Variants in RGL1 observed in about 807,000 individuals in gnomAD.
RGL1 encodes the protein ral guanine nucleotide dissociation stimulator-like 1.
Under a neutral mutation model 95.2 loss-of-function variants are expected in RGL1, and 24 were observed. The ratio of observed to expected loss-of-function variants is 0.25; its 90% CI spans 0.18 to 0.35. The LOEUF is 0.35. RGL1 is among the 10% of genes least tolerant of loss of function. RGL1 has a pLI of 1.00. For missense variants in RGL1, 715 were observed against 936.3 expected (o/e 0.76, Z 3.08); for synonymous variants, 329 against 344.9 (o/e 0.95, Z 0.51).
chr1:183,817,963 A>G (rs1222414186), intron 2 of RGL1, among the ~76,000 whole-genome samples: 4 of 152,220 alleles, frequency 2.6e-5, no homozygotes, highest in Admixed American at 1.3e-4. Context: ...AAGTTGATTA[A>G]AGTGTTTCCT....
intron 2 of RGL1, among the ~76,000 whole-genome samples, chr1:183,744,921 G>GT (rs1005644058): frequency 1.3e-5 from 2 of 152,170 alleles, no homozygotes; most frequent in African/African-American, 4.8e-5. Flanking sequence ...GAGTTGTAAA[G>GT]TATGAATACC....
chr1:183,820,252 A>G (rs546609726), intron 2 of RGL1, among the ~76,000 whole-genome samples: 1 of 152,300 alleles, frequency 6.6e-6, no homozygotes, highest in South Asian at 2.1e-4. Context: ...TGTGATAGGC[A>G]GGAAATATTT....
intron 17 of RGL1, among the ~76,000 whole-genome samples, chr1:183,925,301 A>G (rs1435133954): frequency 6.6e-6 from 1 of 152,156 alleles, no homozygotes; most frequent in East Asian, 1.9e-4. Flanking sequence ...ACAGATACCC[A>G]GGAAGGGGAG....
intron 3 of RGL1, among the ~76,000 whole-genome samples, chr1:183,852,287 T>C (rs1664868857): frequency 1.3e-5 from 2 of 152,356 alleles, no homozygotes; most frequent in East Asian, 1.9e-4. Context: ...CCTTTTGTGA[T>C]TGGCCAATAG....
chr1:183,897,922 G>A (rs1284764796), intron 10 of RGL1, 25 bp downstream of exon 10: 1 of 1,599,552 alleles, frequency 6.3e-7, no homozygotes, highest in Non-Finnish European at 8.6e-7. Flanking sequence ...CGTCTTCCCT[G>A]ACAGCTCACA....
At chr1:183,914,462 A>C (rs1369967968) in intron 15 of RGL1, among the ~76,000 whole-genome samples, 1 of 152,118 alleles carries the variant, frequency 6.6e-6, no homozygotes, top group Non-Finnish European at 1.5e-5. Context: ...TTAGCTAGAA[A>C]GGCTCGTGAT....
intron 1 of RGL1, among the ~76,000 whole-genome samples, chr1:183,651,888 C>G (rs868715711): frequency 2.6e-5 from 4 of 152,298 alleles, no homozygotes; most frequent in South Asian, 2.1e-4. Flanking sequence ...CTTGCTTAGC[C>G]TTCATCAGGC....
chr1:183,733,988 C>T (rs1656783828), intron 1 of RGL1, among the ~76,000 whole-genome samples: 1 of 152,184 alleles, frequency 6.6e-6, no homozygotes, highest in Non-Finnish European at 1.5e-5. Flanking sequence ...CCATTGGGAC[C>T]TTCCATTTTC....
Position 183,715,634 on chromosome 1 carries a change from A to T in RGL1, c.-32-26492A>T, listed in dbSNP as rs1010031396. Among the ~76,000 whole-genome samples the T allele has an allele frequency of 1.4e-4, 22 of 152,158 alleles. 1 individual carries two copies. Among genetic ancestry groups the T allele is most frequent in the Admixed American group, 1.4e-3 (22 of 15,270 alleles). On this transcript the variant is annotated intron_variant, in intron 1 of 18. Transcript: ENST00000304685. Reference sequence around the variant, plus strand: ...TATTATTTTGCCAATTAGCCCATGCAATCCTTAGCTCATAAACCAAACTAT... The same window carrying T: ...TATTATTTTGCCAATTAGCCCATGCTATCCTTAGCTCATAAACCAAACTAT...
At chr1:183,694,484 T>C (rs1654143615) in intron 1 of RGL1, among the ~76,000 whole-genome samples, 1 of 152,248 alleles carries the variant, frequency 6.6e-6, no homozygotes, top group Non-Finnish European at 1.5e-5. Flanking sequence ...GAGATAATAT[T>C]AACTGAAATT....
intron 2 of RGL1, among the ~76,000 whole-genome samples, chr1:183,742,701 A>T (rs1313914297): frequency 1.3e-5 from 2 of 151,842 alleles, no homozygotes; most frequent in Non-Finnish European, 1.5e-5. Context: ...ATTTGTGTGC[A>T]TATTTGTGGG....
At position 183,892,086 on chromosome 1, in the gene RGL1, G is replaced by A. The variant is rs1017999529; in HGVS notation, c.1065G>A (p.Met355Ile). 1.2e-6 allele frequency: 2 copies of A among 1,611,600 alleles called. No homozygotes were observed. The highest frequency in any genetic ancestry group is 1.3e-5 in the African/African-American group (1 of 74,800). Residue 355 changes from methionine to isoleucine, a missense_variant, in exon 9 of 18, where the codon ATG becomes ATA. Physicochemically the swap from Met to Ile is conservative, Grantham distance 10 (BLOSUM62 1). Coordinates refer to ENST00000360851, the MANE Select transcript of RGL1 (RefSeq NM_001297671.3). ...KTWAAVPRDR[M>I]LMFEELSDIF... is the part of the protein sequence containing the mutation. ...TAATCCCTTTTCATAGGGACCGAAT[G>A]CTGATGTTTGAAGAACTTTCAGATA...
At chr1:183,705,735 C>G (rs1654873049) in intron 1 of RGL1, among the ~76,000 whole-genome samples, 1 of 152,164 alleles carries the variant, frequency 6.6e-6, no homozygotes, top group South Asian at 2.1e-4. Flanking sequence ...ACTGGACATA[C>G]TAGGGGTATG....
At chr1:183,885,716 G>C (rs1667070359) in intron 7 of RGL1, among the ~76,000 whole-genome samples, 1 of 152,184 alleles carries the variant, frequency 6.6e-6, no homozygotes, top group South Asian at 2.1e-4. Flanking sequence ...CTAGGATAGA[G>C]CATAATTATT....
At chr1:183,891,143 T>A (rs1339967342) in intron 8 of RGL1, among the ~76,000 whole-genome samples, 2 of 152,164 alleles carry the variant, frequency 1.3e-5, no homozygotes, top group African/African-American at 4.8e-5. Context: ...AGCTTAATGG[T>A]TTTCTTTATT....
At chr1:183,695,061 T>C (rs2102124178) in intron 1 of RGL1, among the ~76,000 whole-genome samples, 1 of 152,326 alleles carries the variant, frequency 6.6e-6, no homozygotes, top group Non-Finnish European at 1.5e-5. Flanking sequence ...TTGGATGATC[T>C]AAGTGGAAAA....
At chr1:183,660,271 TAA>T (rs1454959449) in intron 1 of RGL1, among the ~76,000 whole-genome samples, 1 of 151,964 alleles carries the variant, frequency 6.6e-6, no homozygotes, top group South Asian at 2.1e-4. Context: ...GCAAATTGGA[TAA>T]AGAGTCAAGA....
intron 4 of RGL1, among the ~76,000 whole-genome samples, chr1:183,877,782 T>C (rs913761884): frequency 6.6e-6 from 1 of 152,168 alleles, no homozygotes; most frequent in South Asian, 2.1e-4. Context: ...AGTAAAAAAA[T>C]GTATAGATCG....
chr1:183,892,675 A>G (rs1367289178), intron 9 of RGL1, among the ~76,000 whole-genome samples: 2 of 152,236 alleles, frequency 1.3e-5, no homozygotes. Context: ...GTCTCCAGAC[A>G]TTTGTTGAAT....
Sources: allele counts gnomAD v4.1 joint callset (sites outside exome capture counted in the v4.1 genomes callset), GRCh38; gene constraint gnomAD v4.1.1; transcripts MANE v1.5; gene names NCBI Gene and HGNC (gene_info 2026-07-23, HGNC 2026-07-21).